The following NR6A1 variants were observed in gnomAD, a reference collection of about 807,000 sequenced individuals.
The protein encoded by NR6A1 is retinoic acid receptor-related testis-associated receptor.
A neutral mutation model predicts 59.1 loss-of-function variants in NR6A1; 7 were observed. That is an observed-to-expected ratio of 0.12 (90% CI 0.07 to 0.22). The LOEUF (loss-of-function observed/expected upper bound fraction) is 0.22. Ranked by LOEUF, NR6A1 falls within the 10% of genes least tolerant of loss-of-function variation. NR6A1 has a pLI of 1.00. For missense variants in NR6A1, 468 were observed against 611.6 expected (o/e 0.77, Z 2.48); for synonymous variants, 243 against 236.1 (o/e 1.03, Z -0.27).
At chr9:124,701,238 A>G (rs1394903377) in intron 2 of NR6A1, among the ~76,000 whole-genome samples, 2 of 152,212 alleles carry the variant, frequency 1.3e-5, no homozygotes, top group Non-Finnish European at 2.9e-5. Context: ...AACACTTTCT[A>G]GAACATTTTG....
chr9:124,765,567 C>T (rs1461575757), intron 1 of NR6A1, among the ~76,000 whole-genome samples: 1 of 152,126 alleles, frequency 6.6e-6, no homozygotes, highest in Non-Finnish European at 1.5e-5. Context: ...TTTGCTTTCT[C>T]AAATGACAAC....
chr9:124,641,568 T>C (rs1020949954), intron 2 of NR6A1, among the ~76,000 whole-genome samples: 10 of 152,050 alleles, frequency 6.6e-5, no homozygotes, highest in African/African-American at 2.2e-4. Flanking sequence ...AGCATGGTGT[T>C]GCATGCCTGT....
At chr9:124,732,986 C>T (rs180906051) in intron 2 of NR6A1, among the ~76,000 whole-genome samples, 1 of 152,278 alleles carries the variant, frequency 6.6e-6, no homozygotes, top group East Asian at 1.9e-4. Flanking sequence ...CGTCAGCCAC[C>T]ACGCCTGGCT....
chr9:124,649,948 G>A (rs1837049738), intron 2 of NR6A1, among the ~76,000 whole-genome samples: 1 of 152,146 alleles, frequency 6.6e-6, no homozygotes, highest in Non-Finnish European at 1.5e-5. Context: ...TGGTGCTGGT[G>A]AGGATGCAGA....
At chr9:124,539,898 ACT>A (rs1833389062) in intron 5 of NR6A1, 133 bp downstream of exon 5, 1 of 982,206 alleles carries the variant, frequency 1.0e-6, no homozygotes, top group Admixed American at 2.5e-5. Context: ...CCTGACCCCT[ACT>A]CCAAGAGTCT....
intron 2 of NR6A1, among the ~76,000 whole-genome samples, chr9:124,605,268 C>T (rs1835546810): frequency 6.6e-6 from 1 of 152,144 alleles, no homozygotes; most frequent in Non-Finnish European, 1.5e-5. Context: ...ACCAACGTCT[C>T]AACTTAGAGG....
intron 2 of NR6A1, among the ~76,000 whole-genome samples, chr9:124,652,427 A>T (rs1482305020): frequency 6.6e-6 from 1 of 152,106 alleles, no homozygotes; most frequent in Non-Finnish European, 1.5e-5. Flanking sequence ...GAGCCTCAAT[A>T]TTACTTCTCT....
intron 2 of NR6A1, among the ~76,000 whole-genome samples, chr9:124,682,980 A>G (rs971674901): frequency 1.3e-5 from 2 of 152,048 alleles, no homozygotes; most frequent in African/African-American, 4.8e-5. Context: ...CTAAGGTGGG[A>G]GGATCGCTTG....
intron 2 of NR6A1, among the ~76,000 whole-genome samples, chr9:124,726,667 T>C (rs1839728122): frequency 6.6e-6 from 1 of 152,228 alleles, no homozygotes; most frequent in East Asian, 1.9e-4. Flanking sequence ...ACTTAAGCTT[T>C]GACCAAGAAA....
chr9:124,552,194 A>G (rs749956216), intron 3 of NR6A1, among the ~76,000 whole-genome samples: 1 of 152,252 alleles, frequency 6.6e-6, no homozygotes, highest in Non-Finnish European at 1.5e-5. Context: ...CTAAGCTTTC[A>G]TAAGATACTC....
intron 2 of NR6A1, chr9:124,658,526 T>G (rs1282435094): frequency 6.6e-6 from 1 of 152,168 alleles, no homozygotes; most frequent in Non-Finnish European, 1.5e-5. Context: ...ACAAACTCAT[T>G]TCTCTACTGG....
intron 1 of NR6A1, among the ~76,000 whole-genome samples, chr9:124,761,992 G>A (rs919529765): frequency 1.3e-5 from 2 of 152,140 alleles, no homozygotes; most frequent in African/African-American, 2.4e-5. Context: ...AAAATGATAT[G>A]AACTCATTTT....
intron 2 of NR6A1, among the ~76,000 whole-genome samples, chr9:124,572,615 G>A (rs1834470521): frequency 6.6e-6 from 1 of 152,214 alleles, no homozygotes; most frequent in Non-Finnish European, 1.5e-5. Flanking sequence ...GCTTAGTGGA[G>A]GAGATCTGTG....
intron 2 of NR6A1, among the ~76,000 whole-genome samples, chr9:124,693,324 T>C (rs1038127416): frequency 2.0e-5 from 3 of 152,212 alleles, no homozygotes; most frequent in African/African-American, 7.2e-5. Flanking sequence ...ATGCTCAATA[T>C]ATGTAAGCTG....
intron 2 of NR6A1, among the ~76,000 whole-genome samples, chr9:124,647,950 C>T (rs1377266667): frequency 1.3e-5 from 2 of 152,038 alleles, no homozygotes; most frequent in African/African-American, 2.4e-5. Flanking sequence ...CTTCCAAACT[C>T]ATTCTAAAAG....
intron 3 of NR6A1, among the ~76,000 whole-genome samples, chr9:124,548,960 C>T (rs1833689393): frequency 6.6e-6 from 1 of 152,190 alleles, no homozygotes; most frequent in African/African-American, 2.4e-5. Flanking sequence ...AACCAGGGAG[C>T]ATCCTATCAC....
chr9:124,578,405 T>C (rs1271861633), intron 2 of NR6A1, among the ~76,000 whole-genome samples: 1 of 152,236 alleles, frequency 6.6e-6, no homozygotes, highest in Non-Finnish European at 1.5e-5. Flanking sequence ...AACATGTTTC[T>C]TGGGAAAAGT....
At chr9:124,714,816 G>C (rs1227442223) in intron 2 of NR6A1, among the ~76,000 whole-genome samples, 1 of 152,058 alleles carries the variant, frequency 6.6e-6, no homozygotes, top group African/African-American at 2.4e-5. Context: ...AGATGTATAA[G>C]ATCTCAACAC....
intron 2 of NR6A1, among the ~76,000 whole-genome samples, chr9:124,675,455 C>T (rs1588770509): frequency 6.6e-6 from 1 of 152,170 alleles, no homozygotes; most frequent in African/African-American, 2.4e-5. Flanking sequence ...CCTCCTTGTA[C>T]AAGGTACTGT....
Sources: gnomAD v4.1 joint callset for allele counts (sites outside exome capture counted in the v4.1 genomes callset) on GRCh38, gnomAD v4.1.1 for gene constraint, MANE v1.5 for transcripts, NCBI Gene and HGNC (gene_info 2026-07-23, HGNC 2026-07-21) for gene names.